GPC6: variants seen among roughly 807,000 people sequenced by gnomAD.
The protein encoded by GPC6 is glypican-6.
In GPC6, 14 loss-of-function variants were observed where a neutral mutation model predicts 55.2. The ratio of observed to expected loss-of-function variants is 0.25; its 90% CI spans 0.17 to 0.40. GPC6 has a LOEUF of 0.40. GPC6 is among the 10% of genes least tolerant of loss of function. The pLI is 1.00. For synonymous variants in GPC6, 278 were observed against 259.6 expected (o/e 1.07, Z -0.68); for missense variants, 641 against 708.5 (o/e 0.90, Z 1.08).
In GPC6 at chr13:93,780,046, C is replaced by A. The variant is rs540563003; in HGVS notation, c.320-50108C>A. The stretch of plus-strand genomic sequence containing the variant: ...GACCCAATACACATAGAGATGAATA[C>A]CTAGATCAGGAGAAGTGAGGCAAGA... On this transcript the variant is annotated intron_variant, in intron 2 of 8. Coordinates refer to ENST00000377047, the MANE Select transcript of GPC6 (RefSeq NM_005708.5). 3.3e-5 allele frequency among the ~76,000 whole-genome samples: 5 copies of A among 152,010 alleles called. No individual in the cohort carries two copies. In the South Asian group the frequency reaches 1.0e-3, roughly 32 times the overall value.
In GPC6 at chr13:93,274,282, G is replaced by T. The variant is rs181774316; in HGVS notation, c.160+46666G>T. 6.6e-5 allele frequency among the ~76,000 whole-genome samples: 10 copies of T among 152,210 alleles called. No individual in the cohort carries two copies. In the East Asian group the frequency reaches 1.9e-3, roughly 29 times the overall value. On this transcript the variant is annotated intron_variant, in intron 1 of 8. Transcript: ENST00000377047. ...ATGGAGTCCCTAAGGTATTCATTTT[G>T]GTGAGCAATGCCACATAAACAATGA...
intron 3 of GPC6, among the ~76,000 whole-genome samples, chr13:93,951,267 T>C (rs1178314596): frequency 6.6e-6 from 1 of 152,118 alleles, no homozygotes; most frequent in African/African-American, 2.4e-5. Flanking sequence ...CTTGCCCAGA[T>C]CAGTTTAATC....
chr13:93,541,003 A>T (rs755236514), intron 1 of GPC6, among the ~76,000 whole-genome samples: 1 of 151,988 alleles, frequency 6.6e-6, no homozygotes, highest in Non-Finnish European at 1.5e-5. Context: ...TCCATGTTGC[A>T]GTGAATGATG....
intron 4 of GPC6, among the ~76,000 whole-genome samples, chr13:94,128,859 C>G (rs1298858591): frequency 6.6e-6 from 1 of 152,132 alleles, no homozygotes; most frequent in Non-Finnish European, 1.5e-5. Flanking sequence ...ATGTCAGTTA[C>G]TACCATGATC....
At chr13:94,085,361 A>C (rs1364244606) in intron 4 of GPC6, among the ~76,000 whole-genome samples, 3 of 151,544 alleles carry the variant, frequency 2.0e-5, no homozygotes, top group South Asian at 2.1e-4. Context: ...AAAAAGAAAA[A>C]AGAAAAGAAA....
chr13:93,621,978 T>C (rs1332508743), intron 2 of GPC6, among the ~76,000 whole-genome samples: 2 of 152,130 alleles, frequency 1.3e-5, no homozygotes, highest in East Asian at 3.9e-4. Flanking sequence ...AACTGTATGT[T>C]TGTACCCATT....
chr13:93,479,531 C>T (rs560010650), intron 1 of GPC6, among the ~76,000 whole-genome samples: 1 of 152,180 alleles, frequency 6.6e-6, no homozygotes, highest in East Asian at 1.9e-4. Flanking sequence ...TGCTTGTAGT[C>T]TCAGCACTTT....
At chr13:94,083,169 A>G (rs1885161189) in intron 4 of GPC6, among the ~76,000 whole-genome samples, 1 of 152,040 alleles carries the variant, frequency 6.6e-6, no homozygotes. Flanking sequence ...CCCAGGCTGG[A>G]GTGCAGTGGT....
intron 1 of GPC6, among the ~76,000 whole-genome samples, chr13:93,266,299 TCTCTTACAAATAATACATTATAGAC>T (rs1457084547): frequency 2.0e-5 from 3 of 152,198 alleles, no homozygotes; most frequent in Admixed American, 1.3e-4. Context: ...GCTAAAACAA[TCTCTTACAAATAATACATTATAGAC>T]GCACTAACAG....
At chr13:93,310,365 TG>T (rs1382778834) in intron 1 of GPC6, among the ~76,000 whole-genome samples, 1 of 152,154 alleles carries the variant, frequency 6.6e-6, no homozygotes, top group East Asian at 1.9e-4. Context: ...CCCAAGAGCT[TG>T]GGGTTTTGAC....
chr13:93,688,247 T>C (rs1170972826), intron 2 of GPC6, among the ~76,000 whole-genome samples: 16 of 152,026 alleles, frequency 1.1e-4, no homozygotes, highest in Admixed American at 6.6e-5. Flanking sequence ...ATTCAGCAGC[T>C]AAAGCAAGAA....
At chr13:94,029,462 C>A (rs1456895728) in intron 4 of GPC6, among the ~76,000 whole-genome samples, 1 of 152,100 alleles carries the variant, frequency 6.6e-6, no homozygotes, top group African/African-American at 2.4e-5. Flanking sequence ...TAAACTTGAT[C>A]TTAGAAGATT....
At chr13:93,346,804 CA>C (rs1169592799) in intron 1 of GPC6, among the ~76,000 whole-genome samples, 2 of 152,126 alleles carry the variant, frequency 1.3e-5, no homozygotes, top group African/African-American at 4.8e-5. Flanking sequence ...AAAGTTCAGG[CA>C]TTGCTCTGTT....
At chr13:94,338,013 G>T (rs1412188651) in intron 6 of GPC6, among the ~76,000 whole-genome samples, 1 of 152,190 alleles carries the variant, frequency 6.6e-6, no homozygotes, top group Admixed American at 6.5e-5. Flanking sequence ...AAGACTTTCT[G>T]CCCTAGTGAT....
intron 3 of GPC6, among the ~76,000 whole-genome samples, chr13:93,893,324 G>A (rs1161154001): frequency 6.6e-6 from 1 of 152,068 alleles, no homozygotes; most frequent in Non-Finnish European, 1.5e-5. Context: ...CAAGGTGATA[G>A]GATTTATAGG....
chr13:93,588,708 A>G (rs1461142150), intron 2 of GPC6, among the ~76,000 whole-genome samples: 1 of 152,118 alleles, frequency 6.6e-6, no homozygotes, highest in Non-Finnish European at 1.5e-5. Context: ...CTTTTAAATG[A>G]CCAGATTTCA....
chr13:93,702,128 A>C (rs2138795921), intron 2 of GPC6, among the ~76,000 whole-genome samples: 1 of 152,142 alleles, frequency 6.6e-6, no homozygotes, highest in Non-Finnish European at 1.5e-5. Flanking sequence ...GTATTTCTTA[A>C]ATACAATAGA....
intron 2 of GPC6, among the ~76,000 whole-genome samples, chr13:93,789,503 CTCTCTCTATA>C (rs1317760964): frequency 2.8e-4 from 22 of 78,556 alleles, no homozygotes; most frequent in African/African-American, 6.7e-4. Context: ...CTCTCTCTCT[CTCTCTCTATA>C]TATATATATA....
intron 3 of GPC6, among the ~76,000 whole-genome samples, chr13:93,971,724 T>A (rs1011216633): frequency 6.6e-6 from 1 of 152,210 alleles, no homozygotes; most frequent in Non-Finnish European, 1.5e-5. Flanking sequence ...GCTTTTGGCT[T>A]TTCCTCAGCA....
Sources: allele counts gnomAD v4.1 joint callset (sites outside exome capture counted in the v4.1 genomes callset), GRCh38; gene constraint gnomAD v4.1.1; transcripts MANE v1.5; gene names NCBI Gene and HGNC (gene_info 2026-07-23, HGNC 2026-07-21).